Variants in SEPTIN6 observed in about 807,000 individuals in gnomAD.
The protein encoded by SEPTIN6 is septin-6.
Under a neutral mutation model 33.6 loss-of-function variants are expected in SEPTIN6, and 8 were observed. The ratio of observed to expected loss-of-function variants is 0.24; its 90% confidence interval spans 0.14 to 0.43. The LOEUF is 0.43. SEPTIN6 is among the 20% of genes least tolerant of loss of function. The pLI is 1.00. For missense variants in SEPTIN6, 250 were observed against 340.8 expected, an observed-to-expected ratio of 0.73 and a Z score of 2.10; for synonymous variants, 131 against 140.0, an observed-to-expected ratio of 0.94 and a Z score of 0.45.
intron 8 of SEPTIN6, 67 bp downstream of exon 8, chrX:119,633,293 T>A: frequency 9.4e-7 from 1 of 1,058,724 alleles, no homozygotes; most frequent in Middle Eastern, 2.6e-4. Flanking sequence ...AGCGTTCCTA[T>A]TTTTCCACAG....
At chrX:119,674,379 G>A (rs1022286361) in intron 2 of SEPTIN6, among the ~76,000 whole-genome samples, 2 of 110,015 alleles carry the variant, frequency 1.8e-5, no homozygotes, top group South Asian at 3.9e-4. Flanking sequence ...GGGTTTCACC[G>A]TGTTAGCCAG....
intron 8 of SEPTIN6, among the ~76,000 whole-genome samples, chrX:119,631,461 T>A (rs1231632455): frequency 9.0e-6 from 1 of 111,506 alleles, no homozygotes; most frequent in African/African-American, 3.3e-5. Flanking sequence ...ATTACAGGCA[T>A]GAGCCACCAC....
chrX:119,628,019 C>T (rs1052459433), intron 9 of SEPTIN6, among the ~76,000 whole-genome samples: 4 of 107,956 alleles, frequency 3.7e-5, no homozygotes, highest in Non-Finnish European at 7.7e-5. Flanking sequence ...AGGCTGGTCT[C>T]GAACTCCTGA....
intron 1 of SEPTIN6, among the ~76,000 whole-genome samples, chrX:119,687,565 T>C (rs16995621): frequency 0.016 from 1,736 of 111,706 alleles, 40 homozygotes; most frequent in African/African-American, 0.051. Flanking sequence ...GTCTTGAATG[T>C]AGTTTTAATG....
intron 2 of SEPTIN6, among the ~76,000 whole-genome samples, 167 bp downstream of exon 2, chrX:119,675,387 A>C (rs1246987200): frequency 8.9e-6 from 1 of 111,915 alleles, no homozygotes; most frequent in African/African-American, 3.2e-5. Flanking sequence ...AAGTAATTAC[A>C]GCCAGCTGTT....
At position 119,618,943 on chromosome X, in the gene SEPTIN6, T is replaced by C. The variant is rs2053706331; in HGVS notation, c.*1150A>G. 2 of 1,009,436 alleles carry C rather than the reference T, an allele frequency of 2.0e-6. No individual in the cohort carries two copies. Among genetic ancestry groups the C allele is most frequent in the Non-Finnish European group, 2.5e-6 (2 of 791,635 alleles). The allele number at this position is 1,009,436 out of a possible 1,213,427, so 83.2% of individuals were successfully genotyped here. ...ACTTCACAGAGGTTCCCAAAGCCAC[T>C]ATCAGATGGGACCCATGATAAAAAC... On this transcript the variant is annotated 3_prime_UTR_variant, in exon 11 of 11. Transcript: ENST00000394610.
chrX:119,692,606 A>G (rs1290496309), intron 1 of SEPTIN6, among the ~76,000 whole-genome samples: 2 of 108,345 alleles, frequency 1.8e-5, no homozygotes, highest in African/African-American at 6.8e-5. Context: ...CCCCCTCGCC[A>G]CTCACCGCCT....
At position 119,618,166 on chromosome X, in the gene SEPTIN6, T is replaced by A; in HGVS notation, c.*1927A>T. 3.9e-6 allele frequency: 1 copy of A among 253,238 alleles called. No individual in the cohort carries two copies. The highest frequency in any genetic ancestry group is 1.3e-4 in the African/African-American group (1 of 7,752). 20.9% of individuals were successfully genotyped at this position (253,238 alleles called of 1,213,427 possible). On this transcript the variant is annotated 3_prime_UTR_variant, in exon 11 of 11. Transcript: ENST00000394610. ...GCTACTGGCTGAGTATCTGAGCAGATTTTTTTTTTTTTTTTTTTGGTCGTT... is the reference window on the plus strand; with the variant it reads ...GCTACTGGCTGAGTATCTGAGCAGAATTTTTTTTTTTTTTTTTTGGTCGTT...
At chrX:119,643,151 T>C (rs2054183294) in intron 5 of SEPTIN6, among the ~76,000 whole-genome samples, 1 of 110,751 alleles carries the variant, frequency 9.0e-6, no homozygotes, top group Admixed American at 9.7e-5. Flanking sequence ...CTCAGGGACC[T>C]AAGACATATC....
chrX:119,673,914 T>G (rs920684055), intron 2 of SEPTIN6, among the ~76,000 whole-genome samples: 1 of 106,774 alleles, frequency 9.4e-6, no homozygotes, highest in African/African-American at 3.4e-5. Flanking sequence ...TACATTAAAG[T>G]GTAAAATATC....
intron 2 of SEPTIN6, among the ~76,000 whole-genome samples, chrX:119,668,995 C>T (rs776503176): frequency 1.8e-5 from 2 of 111,899 alleles, no homozygotes; most frequent in East Asian, 5.6e-4. Flanking sequence ...CCTTTGCATC[C>T]TTATAGCTTG....
In SEPTIN6 at chrX:119,681,626, G is replaced by A. The variant is rs982586208; in HGVS notation, c.31-5958C>T. Among the ~76,000 whole-genome samples, 6 of 111,557 alleles carry A rather than the reference G, an allele frequency of 5.4e-5. No homozygotes were observed. In the East Asian group the frequency reaches 8.3e-4, roughly 15 times the overall value. On this transcript the variant is annotated intron_variant, in intron 1 of 10. Transcript: ENST00000394610. Reference sequence around the variant, plus strand: ...AATATTTAACCAAATTATGGTACACGCATATTCTGGAATATTCTACATCCA... The same window carrying A: ...AATATTTAACCAAATTATGGTACACACATATTCTGGAATATTCTACATCCA...
chrX:119,637,267 G>A (rs1439968577), intron 6 of SEPTIN6, 72 bp from the exon 7 acceptor site: 12 of 996,399 alleles, frequency 1.2e-5, no homozygotes, highest in African/African-American at 7.5e-5. Context: ...TGGATGAAAC[G>A]AGAGGCAAAA....
downstream of SEPTIN6, chrX:119,615,908 A>C (rs1305401174): frequency 7.8e-5 from 13 of 166,773 alleles, no homozygotes; most frequent in Non-Finnish European, 1.5e-4. Flanking sequence ...ATTCTGGAAA[A>C]CATGCAAAGA....
chrX:119,669,714 G>A (rs1200503444), intron 2 of SEPTIN6, among the ~76,000 whole-genome samples: 1 of 112,012 alleles, frequency 8.9e-6, no homozygotes, highest in Non-Finnish European at 1.9e-5. Flanking sequence ...GGGCTGTGAC[G>A]TTGACCAGCA....
intron 8 of SEPTIN6, among the ~76,000 whole-genome samples, chrX:119,630,470 A>AT (rs2053938943): frequency 8.9e-6 from 1 of 112,385 alleles, no homozygotes; most frequent in South Asian, 3.6e-4. Flanking sequence ...AAAGGACTTT[A>AT]TGACATGGAA....
At chrX:119,624,520 G>A in intron 10 of SEPTIN6, among the ~76,000 whole-genome samples, 1 of 110,699 alleles carries the variant, frequency 9.0e-6, no homozygotes, top group Non-Finnish European at 1.9e-5. Flanking sequence ...TTGAGGACTT[G>A]AACCCCTCAG....
intron 1 of SEPTIN6, among the ~76,000 whole-genome samples, chrX:119,689,969 T>A (rs1193633529): frequency 9.0e-6 from 1 of 111,499 alleles, no homozygotes; most frequent in Non-Finnish European, 1.9e-5. Flanking sequence ...GACCTCATGA[T>A]CTGCCCACCT....
intron 9 of SEPTIN6, among the ~76,000 whole-genome samples, chrX:119,628,285 T>TC (rs1235314279): frequency 9.4e-6 from 1 of 106,004 alleles, no homozygotes; most frequent in East Asian, 3.0e-4. Flanking sequence ...TTCTGTATTT[T>TC]TTTTTTTTTT....
Sources: gnomAD v4.1 joint callset for allele counts (sites outside exome capture counted in the v4.1 genomes callset) on GRCh38, gnomAD v4.1.1 for gene constraint, MANE v1.5 for transcripts, NCBI Gene and HGNC (gene_info 2026-07-23, HGNC 2026-07-21) for gene names.